Variants in TTC6 observed in about 807,000 individuals in gnomAD.
TTC6 encodes the protein tetratricopeptide repeat domain 6, also known as tetratricopeptide repeat protein 6.
TTC6 carries 172 observed loss-of-function variants against 210.4 expected under a neutral mutation model. The observed-to-expected ratio is 0.82, with a 90% CI of 0.72 to 0.93. The LOEUF is 0.93. Among genes scored for constraint, TTC6 ranks in the 40% least tolerant of loss-of-function variants. The pLI is 0.00. For missense variants in TTC6, 2,414 were observed against 2,318.1 expected, an observed-to-expected ratio of 1.04 and a Z score of -0.85; for synonymous variants, 804 against 819.6, an observed-to-expected ratio of 0.98 and a Z score of 0.32.
chr14:37,627,649 C>A (rs1306873446), intron 1 of TTC6, among the ~76,000 whole-genome samples: 1 of 152,186 alleles, frequency 6.6e-6, no homozygotes, highest in Non-Finnish European at 1.5e-5. Flanking sequence ...TTTTTTATGG[C>A]TGCATAGTAT....
chr14:37,715,704 T>G (rs909082758), intron 6 of TTC6, among the ~76,000 whole-genome samples: 3 of 152,152 alleles, frequency 2.0e-5, no homozygotes, highest in Non-Finnish European at 4.4e-5. Context: ...ATTTTTCAAG[T>G]GCTGGAAGAA....
chr14:37,814,436 A>G (rs897554385), intron 25 of TTC6, among the ~76,000 whole-genome samples: 1 of 152,186 alleles, frequency 6.6e-6, no homozygotes, highest in Non-Finnish European at 1.5e-5. Context: ...AAAAAATATT[A>G]AAAGAATCCC....
chr14:37,785,988 C>A (rs796980837), intron 14 of TTC6, among the ~76,000 whole-genome samples: 8 of 152,260 alleles, frequency 5.3e-5, no homozygotes, highest in African/African-American at 1.9e-4. Flanking sequence ...CCTCTGGAAG[C>A]TTTGTCTCAG....
At chr14:37,678,635 A>G (rs2138530745) in intron 1 of TTC6, among the ~76,000 whole-genome samples, 1 of 152,310 alleles carries the variant, frequency 6.6e-6, no homozygotes, top group East Asian at 1.9e-4. Context: ...CATGTTCTGG[A>G]AATTGTGTCA....
intron 7 of TTC6, among the ~76,000 whole-genome samples, chr14:37,734,232 T>C (rs1378440361): frequency 1.3e-5 from 2 of 152,182 alleles, no homozygotes; most frequent in Non-Finnish European, 2.9e-5. Context: ...AAAGTCTGCA[T>C]GAAAGTTGAT....
chr14:37,842,294 A>G, exon 31 of TTC6: 5 of 1,594,106 alleles, frequency 3.1e-6, no homozygotes, highest in Non-Finnish European at 4.3e-6. Flanking sequence ...TTATATGATT[A>G]CATAGACTGT....
At chr14:37,660,441 C>T (rs1014532226) in intron 1 of TTC6, among the ~76,000 whole-genome samples, 9 of 152,148 alleles carry the variant, frequency 5.9e-5, no homozygotes, top group Admixed American at 1.3e-4. Flanking sequence ...TCCATGTGTT[C>T]TTATTGTTCA....
At chr14:37,731,940 T>C (rs572205856) in intron 7 of TTC6, among the ~76,000 whole-genome samples, 2 of 152,266 alleles carry the variant, frequency 1.3e-5, no homozygotes, top group East Asian at 3.9e-4. Flanking sequence ...CTTAATTTTT[T>C]GCCAATTATT....
intron 25 of TTC6, 105 bp downstream of exon 27, chr14:37,812,538 CT>C: frequency 9.0e-7 from 1 of 1,113,874 alleles, no homozygotes; most frequent in South Asian, 2.2e-5. Flanking sequence ...TGAGTGGTAG[CT>C]CAACTTTAGC....
At chr14:37,767,788 G>A (rs2096003985) in intron 14 of TTC6, among the ~76,000 whole-genome samples, 1 of 151,136 alleles carries the variant, frequency 6.6e-6, no homozygotes, top group African/African-American at 2.4e-5. Context: ...TTGCTGTGCA[G>A]AAGCTCTTTA....
At chr14:37,778,808 G>C (rs2096046137) in intron 14 of TTC6, among the ~76,000 whole-genome samples, 1 of 152,148 alleles carries the variant, frequency 6.6e-6, no homozygotes, top group Non-Finnish European at 1.5e-5. Flanking sequence ...GGGGTCCTGG[G>C]AGAGGCCAGC....
At chr14:37,789,618 T>TATATATATATATATATATA (rs57518932) in intron 15 of TTC6, among the ~76,000 whole-genome samples, 4 of 106,082 alleles carry the variant, frequency 3.8e-5, no homozygotes, top group African/African-American at 1.4e-4. Context: ...ATATATATAT[T>TATATATATATATATATATA]GTATATACTC....
chr14:37,654,887 T>C (rs1188728659), intron 1 of TTC6, among the ~76,000 whole-genome samples: 2 of 152,244 alleles, frequency 1.3e-5, no homozygotes, highest in African/African-American at 4.8e-5. Context: ...GGTTTTCTAA[T>C]GCACAAGGAA....
intron 15 of TTC6, among the ~76,000 whole-genome samples, chr14:37,788,853 G>GCCA (rs1466767705): frequency 6.6e-6 from 1 of 152,138 alleles, no homozygotes; most frequent in Non-Finnish European, 1.5e-5. Context: ...ATTTCTAGAA[G>GCCA]TTTATCTGGC....
intron 14 of TTC6, among the ~76,000 whole-genome samples, chr14:37,762,332 A>C (rs2095987033): frequency 6.6e-6 from 1 of 152,162 alleles, no homozygotes; most frequent in Non-Finnish European, 1.5e-5. Flanking sequence ...AATACTTTGG[A>C]TATATACCCA....
rs142966634 is a variant in TTC6, at chr14:37,789,472, C to T, written c.3437-1245C>T. Among the ~76,000 whole-genome samples the T allele has an allele frequency of 4.4e-4, 67 of 151,538 alleles. 1 individual carries two copies. In the East Asian group the frequency reaches 0.013, roughly 29 times the overall value. Reference sequence around the variant, plus strand: ...AGTCATGCGCCACATAATGATGTTTCGGTCAAAAACGGACTGTATATACTA... The same window carrying T: ...AGTCATGCGCCACATAATGATGTTTTGGTCAAAAACGGACTGTATATACTA... On this transcript the variant is annotated intron_variant, in intron 15 of 30. Coordinates refer to ENST00000553443, the Ensembl canonical transcript of TTC6.
intron 5 of TTC6, among the ~76,000 whole-genome samples, chr14:37,704,485 T>G (rs1345107470): frequency 6.6e-6 from 1 of 152,196 alleles, no homozygotes; most frequent in Non-Finnish European, 1.5e-5. Context: ...TTTATTATTT[T>G]TATCCATTTC....
At chr14:37,639,436 A>G (rs897085333) in intron 1 of TTC6, among the ~76,000 whole-genome samples, 3 of 152,240 alleles carry the variant, frequency 2.0e-5, no homozygotes, top group African/African-American at 7.2e-5. Context: ...GCTAGCACAA[A>G]TGATATAATA....
intron 20 of TTC6, among the ~76,000 whole-genome samples, chr14:37,798,670 T>C (rs542038285): frequency 3.3e-5 from 5 of 152,072 alleles, no homozygotes; most frequent in African/African-American, 1.2e-4. Flanking sequence ...GACACCCTTA[T>C]TTTCTTCCAA....
Sources: allele counts gnomAD v4.1 joint callset (sites outside exome capture counted in the v4.1 genomes callset), GRCh38; gene constraint gnomAD v4.1.1; transcripts MANE v1.5; gene names NCBI Gene and HGNC (gene_info 2026-07-23, HGNC 2026-07-21).